The following RAPGEF1 variants were observed in gnomAD, a reference collection of about 807,000 sequenced individuals.
RAPGEF1 encodes Rap guanine nucleotide exchange factor 1.
Under a neutral mutation model 143.3 loss-of-function variants are expected in RAPGEF1, and 33 were observed. The observed-to-expected ratio is 0.23, with a 90% CI of 0.17 to 0.31. RAPGEF1 has a LOEUF of 0.31. Ranked by LOEUF, RAPGEF1 falls within the 10% of genes least tolerant of loss-of-function variation. The probability of loss-of-function intolerance (pLI) is 1.00; values close to 1 mark genes in which losing one functional copy is unlikely to be tolerated. For missense variants in RAPGEF1, 1,199 were observed against 1,645.4 expected (o/e 0.73, Z 4.69); for synonymous variants, 629 against 676.5 (o/e 0.93, Z 1.09).
intron 1 of RAPGEF1, among the ~76,000 whole-genome samples, chr9:131,688,328 A>G (rs1407540802): frequency 3.9e-5 from 6 of 152,224 alleles, no homozygotes; most frequent in African/African-American, 1.4e-4. Context: ...CTGGTGTTGA[A>G]TAAAAGAACC....
chr9:131,605,920 A>T (rs1026322563), intron 12 of RAPGEF1, among the ~76,000 whole-genome samples: 5 of 152,084 alleles, frequency 3.3e-5, no homozygotes, highest in Non-Finnish European at 7.4e-5. Context: ...CAAAAAATAC[A>T]AAAATGAGCT....
chr9:131,699,201 C>T (rs1340913202), intron 1 of RAPGEF1, among the ~76,000 whole-genome samples: 1 of 151,402 alleles, frequency 6.6e-6, no homozygotes, highest in Non-Finnish European at 1.5e-5. Context: ...CTCCTCTGCT[C>T]ATTCTTTGAC....
chr9:131,640,489 G>A (rs916565293), intron 4 of RAPGEF1, among the ~76,000 whole-genome samples: 1 of 152,244 alleles, frequency 6.6e-6, no homozygotes, highest in Non-Finnish European at 1.5e-5. Flanking sequence ...GTGTCAAGGG[G>A]CTAAGACATA....
intron 5 of RAPGEF1, among the ~76,000 whole-genome samples, chr9:131,637,732 C>A (rs927203365): frequency 5.9e-5 from 9 of 152,174 alleles, no homozygotes; most frequent in African/African-American, 2.2e-4. Flanking sequence ...AGGTGCTGTT[C>A]TAGAAGCATT....
Position 131,627,915 on chromosome 9 carries a change from A to C in RAPGEF1, c.1199T>G (p.Leu400Arg). The C allele has an allele frequency of 1.3e-6, 2 of 1,579,388 alleles. No homozygotes were observed. The highest frequency in any genetic ancestry group is 1.7e-6 in the Non-Finnish European group (2 of 1,163,074). Residue 400 changes from leucine (L) to arginine (R), a missense_variant and splice_region_variant, in exon 9 of 27, where the codon CTA (leucine) becomes CGA (arginine). By Grantham distance (102) the Leu-to-Arg change is moderately radical (BLOSUM62 -2). Transcript: ENST00000683357. ...ACAGGAGGATGGTGGCGGCTCACCT[A>C]GTGTTTCACAGCTTGTGTTCCGGGA... ...QCSRNTSCETLDHYDPDYEFL... is the reference protein window; with the variant it reads ...QCSRNTSCETRDHYDPDYEFL...
chr9:131,701,326 C>A (rs1291514607), intron 1 of RAPGEF1, among the ~76,000 whole-genome samples: 1 of 152,166 alleles, frequency 6.6e-6, no homozygotes, highest in African/African-American at 2.4e-5. Context: ...CCTTTTCTTA[C>A]CCACACCCAA....
intron 1 of RAPGEF1, among the ~76,000 whole-genome samples, chr9:131,720,876 T>C (rs1475993477): frequency 6.6e-6 from 1 of 152,224 alleles, no homozygotes; most frequent in East Asian, 1.9e-4. Context: ...AAACTTAAAT[T>C]GACAAAAATA....
Position 131,596,388 on chromosome 9 carries a change from G to A in RAPGEF1, c.2614-15C>T. ...CCGTCATCACCCTGTAATGAACACAGCCAAGGAAGGTATGAGGCAGAGTAT... is the reference window on the plus strand; with the variant it reads ...CCGTCATCACCCTGTAATGAACACAACCAAGGAAGGTATGAGGCAGAGTAT... On this transcript the variant is annotated splice_polypyrimidine_tract_variant and intron_variant, in intron 16 of 26. Transcript: ENST00000683357. 1 of 1,613,640 alleles carries A rather than the reference G, an allele frequency of 6.2e-7. No individual in the cohort carries two copies. Among genetic ancestry groups the A allele is most frequent in the Non-Finnish European group, 8.5e-7 (1 of 1,179,578 alleles).
chr9:131,666,605 G>C (rs533442493), intron 1 of RAPGEF1, among the ~76,000 whole-genome samples: 2 of 151,872 alleles, frequency 1.3e-5, no homozygotes, highest in African/African-American at 4.8e-5. Context: ...GGCTGGTCTC[G>C]AACTCCTGAC....
At chr9:131,692,339 C>T (rs1833840995) in intron 1 of RAPGEF1, among the ~76,000 whole-genome samples, 1 of 152,170 alleles carries the variant, frequency 6.6e-6, no homozygotes, top group Non-Finnish European at 1.5e-5. Flanking sequence ...AGATTGTAGC[C>T]CTGTTCGTTG....
At chr9:131,600,875 G>T (rs1342788910) in intron 15 of RAPGEF1, among the ~76,000 whole-genome samples, 1 of 152,102 alleles carries the variant, frequency 6.6e-6, no homozygotes, top group Non-Finnish European at 1.5e-5. Flanking sequence ...GAAAAATGTG[G>T]CCAGGCATCA....
chr9:131,725,764 T>TG (rs1836617435), intron 1 of RAPGEF1, among the ~76,000 whole-genome samples: 2 of 150,988 alleles, frequency 1.3e-5, no homozygotes, highest in African/African-American at 4.9e-5. Flanking sequence ...GGTTGTGTTT[T>TG]TTTTTTTTTT....
chr9:131,614,705 T>C (rs1017723030), intron 12 of RAPGEF1, among the ~76,000 whole-genome samples: 1 of 152,256 alleles, frequency 6.6e-6, no homozygotes, highest in South Asian at 2.1e-4. Flanking sequence ...CATGTGCTGA[T>C]GCACAGAAAC....
chr9:131,715,806 A>G (rs1209574410), intron 1 of RAPGEF1, among the ~76,000 whole-genome samples: 3 of 147,472 alleles, frequency 2.0e-5, no homozygotes, highest in Non-Finnish European at 4.4e-5. Flanking sequence ...TGGAGGTTGC[A>G]GTGAGTGGAG....
chr9:131,674,572 C>A (rs945563153), intron 1 of RAPGEF1, among the ~76,000 whole-genome samples: 1 of 152,156 alleles, frequency 6.6e-6, no homozygotes, highest in African/African-American at 2.4e-5. Context: ...AACCGTTGCC[C>A]TGCATTGTTT....
intron 18 of RAPGEF1, among the ~76,000 whole-genome samples, chr9:131,591,653 G>A (rs1347542696): frequency 1.3e-5 from 2 of 152,310 alleles, no homozygotes; most frequent in East Asian, 3.9e-4. Context: ...CCCCTGAGCT[G>A]TCTATTTGGG....
At chr9:131,714,389 T>C (rs1204650429) in intron 1 of RAPGEF1, among the ~76,000 whole-genome samples, 1 of 151,638 alleles carries the variant, frequency 6.6e-6, no homozygotes, top group African/African-American at 2.4e-5. Flanking sequence ...ATCCCTGTAA[T>C]GTGCACACTC....
rs191677160 is a variant in RAPGEF1 at position 131,671,676 on chromosome 9, C to A, written c.62-20727G>T. ...CTTTGTGAGAGATGCAGGAAAAGTT[C>A]ATGAATGGAGGCCCTGGAACCGAGA... On this transcript the variant is annotated intron_variant, in intron 1 of 26. Coordinates refer to ENST00000683357, the MANE Select transcript of RAPGEF1 (RefSeq NM_001377935.1). 9.2e-5 allele frequency among the ~76,000 whole-genome samples: 14 copies of A among 152,262 alleles called. No individual in the cohort carries two copies. In the East Asian group the frequency reaches 1.9e-3, roughly 21 times the overall value.
At chr9:131,651,490 C>T (rs556613097) in intron 1 of RAPGEF1, among the ~76,000 whole-genome samples, 32 of 152,208 alleles carry the variant, frequency 2.1e-4, no homozygotes, top group Admixed American at 4.6e-4. Flanking sequence ...ACTAGGACAT[C>T]TGTTCTCACC....
Sources: allele counts gnomAD v4.1 joint callset (sites outside exome capture counted in the v4.1 genomes callset), GRCh38; gene constraint gnomAD v4.1.1; transcripts MANE v1.5; gene names NCBI Gene and HGNC (gene_info 2026-07-23, HGNC 2026-07-21).